DIAPH1: variants seen among roughly 807,000 people sequenced by gnomAD.
DIAPH1 encodes diaphanous related formin 1.
A neutral mutation model predicts 140.7 loss-of-function variants in DIAPH1; 46 were observed. That is an observed-to-expected ratio of 0.33 (90% CI 0.26 to 0.42). The LOEUF (loss-of-function observed/expected upper bound fraction) is 0.42, where lower values mean the gene tolerates loss of function less well. Among genes scored for constraint, DIAPH1 ranks in the 10% least tolerant of loss-of-function variants. DIAPH1 has a pLI of 1.00. For synonymous variants in DIAPH1, 565 were observed against 551.6 expected, an observed-to-expected ratio of 1.02 and a Z score of -0.34; for missense variants, 1,310 against 1,558.7, an observed-to-expected ratio of 0.84 and a Z score of 2.69.
chr5:141,576,223 T>C lies in DIAPH1; in HGVS notation c.1461+7A>G. On this transcript the variant is annotated splice_region_variant and intron_variant, in intron 14 of 27. Coordinates refer to ENST00000389054, the MANE Select transcript of DIAPH1 (RefSeq NM_005219.5). ...TCAAACACATGTCTTTGGTCTCTCATATGCACCTTCTTTTCCAGCTCTGCA... is the reference window on the plus strand; with the variant it reads ...TCAAACACATGTCTTTGGTCTCTCACATGCACCTTCTTTTCCAGCTCTGCA... The C allele has an allele frequency of 6.2e-7, 1 of 1,607,072 alleles. No individual in the cohort carries two copies. The highest frequency in any genetic ancestry group is 8.5e-7 in the Non-Finnish European group (1 of 1,173,516).
rs2099898459 is a variant in DIAPH1 at position 141,591,703 on chromosome 5, T to TAC, written c.118-3454_118-3453insGT. On this transcript the variant is annotated intron_variant, in intron 1 of 27. Coordinates refer to ENST00000389054, the MANE Select transcript of DIAPH1 (RefSeq NM_005219.5). ...GAAGGAAGGGAGATGGGGATATATA[T>TAC]ATATATATATATATATATATATATG... Among the ~76,000 whole-genome samples, 10 of 76,444 alleles carry TAC rather than the reference T, an allele frequency of 1.3e-4. No individual in the cohort carries two copies. The South Asian group carries it at 4.0e-3, about 31-fold the overall frequency. The allele number at this position is 76,444 out of a possible 152,430, so 50.2% of individuals were successfully genotyped here.
chr5:141,588,327 G>A (rs1051057895), intron 1 of DIAPH1, 77 bp from the exon 2 acceptor site: 20 of 1,096,840 alleles, frequency 1.8e-5, no homozygotes, highest in African/African-American at 1.7e-4. Context: ...AACACCAGAC[G>A]GGTTGGGGAA....
chr5:141,578,561 T>C lies in DIAPH1; in HGVS notation c.998A>G (p.His333Arg). The stretch of plus-strand genomic sequence containing the variant: ...CAAACGCATCAGTTCACTTCTGATG[T>C]GAACTCGGAAGTCAAGTTCCTCCGC... The part of the protein sequence containing the change: ...TPAEELDFRV[H>R]IRSELMRLGL... The change falls in exon 10 of 28, where the codon CAC (histidine) becomes CGC (arginine). Residue 333 changes from histidine (H) to arginine (R), a missense_variant. Transcript: ENST00000389054. The C allele has an allele frequency of 6.2e-7, 1 of 1,614,038 alleles. No homozygotes were observed. Among genetic ancestry groups the C allele is most frequent in the Non-Finnish European group, 8.5e-7 (1 of 1,180,020 alleles).
chr5:141,593,487 C>G (rs1394770008), intron 1 of DIAPH1, among the ~76,000 whole-genome samples: 7 of 152,160 alleles, frequency 4.6e-5, no homozygotes, highest in Non-Finnish European at 1.5e-5. Flanking sequence ...CCCCTTGAGA[C>G]AGAAGGTTGG....
intron 8 of DIAPH1, among the ~76,000 whole-genome samples, chr5:141,580,121 A>C (rs1445363948): frequency 6.6e-6 from 1 of 152,226 alleles, no homozygotes; most frequent in African/African-American, 2.4e-5. Context: ...ATTAAAAAGA[A>C]ACAGGTTGAA....
intron 1 of DIAPH1, among the ~76,000 whole-genome samples, chr5:141,615,515 G>A (rs1308179386): frequency 6.6e-6 from 1 of 151,920 alleles, no homozygotes; most frequent in South Asian, 2.1e-4. Context: ...GCCGAGGTGG[G>A]CAGATCACGA....
At chr5:141,611,864 C>A (rs187679786) in intron 1 of DIAPH1, among the ~76,000 whole-genome samples, 39 of 152,232 alleles carry the variant, frequency 2.6e-4, no homozygotes, top group African/African-American at 8.4e-4. Context: ...GTTAGGAGTT[C>A]AAGACCAGCT....
In DIAPH1 at chr5:141,526,338, C is replaced by A; in HGVS notation, c.3397G>T (p.Glu1133Ter). The A allele has an allele frequency of 6.2e-7, 1 of 1,614,200 alleles. No individual in the cohort carries two copies. Among genetic ancestry groups the A allele is most frequent in the Non-Finnish European group, 8.5e-7 (1 of 1,180,036 alleles). The change falls in exon 25 of 28, where the codon GAA becomes TAA. Residue 1133 changes from glutamate (E) to a stop codon, truncating the protein, a stop_gained. Transcript: ENST00000389054. LOFTEE classifies it high-confidence loss of function. ...AAATTGTGAAGATCCATGAAAAATT[C>A]TTCAACAGACAACTTCTTGGGGTCA... ...LFDPKKLSVE[E>*]FFMDLHNFRN... is the part of the protein sequence containing the mutation.
chr5:141,583,213 T>C lies in DIAPH1; in HGVS notation c.613A>G (p.Thr205Ala). ...LKRLHDEKEE[T>A]AGSYDSRNKH... Reference sequence around the variant, plus strand: ...AGACTTGGAAGTCCTCACCCAGCAGTCTCTTCTTTCTCATCATGAAGTCGT... The same window carrying C: ...AGACTTGGAAGTCCTCACCCAGCAGCCTCTTCTTTCTCATCATGAAGTCGT... Residue 205 changes from threonine (T) to alanine (A), a missense_variant, in exon 6 of 28, where the codon ACT becomes GCT. Around this residue, in one of 3 missense-constraint regions of DIAPH1, gnomAD observed 377 missense variants for 497.1 expected, o/e 0.76. Coordinates refer to ENST00000389054, the MANE Select transcript of DIAPH1 (RefSeq NM_005219.5). 1 of 1,614,044 alleles carries C rather than the reference T, an allele frequency of 6.2e-7. No homozygotes were observed. The highest frequency in any genetic ancestry group is 1.1e-5 in the South Asian group (1 of 91,086).
chr5:141,618,222 A>C (rs563380726), intron 1 of DIAPH1, among the ~76,000 whole-genome samples: 1 of 152,332 alleles, frequency 6.6e-6, no homozygotes, highest in East Asian at 1.9e-4. Context: ...ACAAACGTCC[A>C]AAGAAGGAGT....
At chr5:141,578,141 C>T in intron 11 of DIAPH1, 84 bp downstream of exon 11, 4 of 1,019,856 alleles carry the variant, frequency 3.9e-6, no homozygotes, top group Non-Finnish European at 4.7e-6. Flanking sequence ...GAGTCATCAT[C>T]TCCCAAACCA....
Position 141,528,708 on chromosome 5 carries a change from G to C in DIAPH1, c.3012C>G (p.Leu1004=), listed in dbSNP as rs2099887752. 6.2e-7 allele frequency: 1 copy of C among 1,614,206 alleles called. No homozygotes were observed. The highest frequency in any genetic ancestry group is 8.5e-7 in the Non-Finnish European group (1 of 1,180,036). The change falls in exon 22 of 28, where the codon CTC becomes CTG. Residue 1004 remains leucine, a synonymous_variant. Transcript: ENST00000389054. ...AGAFGFNISF[L]CKLRDTKSTD... The stretch of plus-strand genomic sequence containing the variant: ...CCCTACCTCTTTGGCTCACCTTACA[G>C]AGGAAGCTGATATTGAAGCCAAAAG...
chr5:141,616,424 T>A (rs529913747), intron 1 of DIAPH1, among the ~76,000 whole-genome samples: 46 of 152,304 alleles, frequency 3.0e-4, no homozygotes, highest in African/African-American at 1.1e-3. Flanking sequence ...AGAGGACACA[T>A]ACTCTAGAAA....
chr5:141,539,417 T>G (rs1177761288), intron 18 of DIAPH1, among the ~76,000 whole-genome samples: 1 of 136,326 alleles, frequency 7.3e-6, no homozygotes, highest in Non-Finnish European at 1.5e-5. Flanking sequence ...TGGGTAGTTT[T>G]GTTTTTTTTT....
chr5:141,529,336 C>CAGAG, intron 20 of DIAPH1, 63 bp from the exon 21 acceptor site: 1 of 1,331,412 alleles, frequency 7.5e-7, no homozygotes, highest in Non-Finnish European at 1.1e-6. Flanking sequence ...GCCTAAACAA[C>CAGAG]TTTTACTCTG....
chr5:141,517,155 G>T, intron 27 of DIAPH1, 147 bp from the exon 28 acceptor site: 2 of 858,690 alleles, frequency 2.3e-6, no homozygotes, highest in African/African-American at 1.7e-5. Flanking sequence ...AAGGGGCAGA[G>T]ATCCAGCATG....
At chr5:141,600,462 A>G (rs2099899974) in intron 1 of DIAPH1, among the ~76,000 whole-genome samples, 1 of 152,246 alleles carries the variant, frequency 6.6e-6, no homozygotes, top group African/African-American at 2.4e-5. Context: ...GGGTGATGTT[A>G]TAAGCAATAG....
chr5:141,592,812 T>C (rs1452996962), intron 1 of DIAPH1, among the ~76,000 whole-genome samples: 3 of 152,178 alleles, frequency 2.0e-5, no homozygotes, highest in Non-Finnish European at 4.4e-5. Flanking sequence ...GAAGGAAGCA[T>C]AAATACAGAA....
intron 1 of DIAPH1, among the ~76,000 whole-genome samples, chr5:141,601,016 G>A (rs993228121): frequency 6.6e-6 from 1 of 151,946 alleles, no homozygotes; most frequent in Non-Finnish European, 1.5e-5. Flanking sequence ...TCATAGGTGG[G>A]AACTGAACAA....
Sources: gnomAD v4.1 joint callset for allele counts (sites outside exome capture counted in the v4.1 genomes callset) on GRCh38, gnomAD v4.1.1 for gene constraint, gnomAD v4.1.1 regional missense constraint, MANE v1.5 for transcripts, NCBI Gene and HGNC (gene_info 2026-07-23, HGNC 2026-07-21) for gene names.